ZMAT4: variants seen among roughly 807,000 people sequenced by gnomAD.
ZMAT4 encodes zinc finger matrin-type protein 4.
A neutral mutation model predicts 28.7 loss-of-function variants in ZMAT4; 17 were observed. The ratio of observed to expected loss-of-function variants is 0.59; its 90% CI spans 0.41 to 0.89. The LOEUF (loss-of-function observed/expected upper bound fraction) is 0.89, where lower values mean the gene tolerates loss of function less well. ZMAT4 is among the 40% of genes least tolerant of loss of function. The probability of loss-of-function intolerance (pLI) is 0.00; values close to 1 mark genes in which losing one functional copy is unlikely to be tolerated. For synonymous variants in ZMAT4, 117 were observed against 109.2 expected (o/e 1.07, Z -0.44); for missense variants, 240 against 283.8 (o/e 0.85, Z 1.11).
At chr8:40,582,861 A>G (rs1804537338) in intron 5 of ZMAT4, among the ~76,000 whole-genome samples, 1 of 152,186 alleles carries the variant, frequency 6.6e-6, no homozygotes, top group African/African-American at 2.4e-5. Flanking sequence ...ACATGGAAAC[A>G]CTTTCTGTTT....
At chr8:40,634,080 G>A (rs553870874) in intron 5 of ZMAT4, among the ~76,000 whole-genome samples, 3 of 152,170 alleles carry the variant, frequency 2.0e-5, no homozygotes, top group African/African-American at 7.2e-5. Flanking sequence ...CATTTTTGAA[G>A]AAGTGGTTGG....
intron 6 of ZMAT4, among the ~76,000 whole-genome samples, chr8:40,552,451 T>C (rs1037085775): frequency 6.6e-6 from 1 of 152,192 alleles, no homozygotes; most frequent in African/African-American, 2.4e-5. Context: ...CTCTCCCTCT[T>C]TCTCATACCA....
At chr8:40,770,127 A>G (rs1005381459) in intron 2 of ZMAT4, among the ~76,000 whole-genome samples, 2 of 151,904 alleles carry the variant, frequency 1.3e-5, no homozygotes, top group African/African-American at 4.8e-5. Flanking sequence ...GGCAAATACC[A>G]CCTGATTCTG....
At chr8:40,689,420 G>A (rs559822974) in intron 4 of ZMAT4, among the ~76,000 whole-genome samples, 2 of 152,322 alleles carry the variant, frequency 1.3e-5, no homozygotes, top group Non-Finnish European at 2.9e-5. Flanking sequence ...ATTTTAAAAT[G>A]TTATGTTAAT....
At chr8:40,714,914 T>C (rs1019577276) in intron 3 of ZMAT4, among the ~76,000 whole-genome samples, 1 of 151,766 alleles carries the variant, frequency 6.6e-6, no homozygotes, top group Non-Finnish European at 1.5e-5. Context: ...CCAGGCGTGG[T>C]GGCACGCACC....
At chr8:40,866,482 G>A (rs943365458) in intron 1 of ZMAT4, among the ~76,000 whole-genome samples, 2 of 152,192 alleles carry the variant, frequency 1.3e-5, no homozygotes, top group Admixed American at 6.5e-5. Context: ...GCTTAATAAC[G>A]CTGCCCTGAT....
intron 3 of ZMAT4, among the ~76,000 whole-genome samples, chr8:40,742,279 T>A (rs144185223): frequency 1.7e-3 from 260 of 151,548 alleles, no homozygotes; most frequent in African/African-American, 6.0e-3. Flanking sequence ...ATATTACTGA[T>A]AATGTAACCC....
At chr8:40,594,201 T>C (rs1168947136) in intron 5 of ZMAT4, among the ~76,000 whole-genome samples, 1 of 152,156 alleles carries the variant, frequency 6.6e-6, no homozygotes, top group African/African-American at 2.4e-5. Context: ...GTGGGACACA[T>C]GACGGGGCCT....
At chr8:40,792,473 CAGGAAGGAAGGAAGGA>C (rs372079235) in intron 2 of ZMAT4, among the ~76,000 whole-genome samples, 7 of 14,518 alleles carry the variant, frequency 4.8e-4, no homozygotes, top group East Asian at 2.9e-3. Context: ...GAATAGTATT[CAGGAAGGAAGGAAGGA>C]AGGAAGGAAG....
intron 4 of ZMAT4, among the ~76,000 whole-genome samples, chr8:40,693,360 C>T (rs1809739643): frequency 6.6e-6 from 1 of 152,172 alleles, no homozygotes; most frequent in Admixed American, 6.5e-5. Flanking sequence ...AAGCAATCCT[C>T]CAGCCTCAGC....
At chr8:40,783,153 C>A (rs988149294) in intron 2 of ZMAT4, among the ~76,000 whole-genome samples, 1 of 152,210 alleles carries the variant, frequency 6.6e-6, no homozygotes, top group Non-Finnish European at 1.5e-5. Context: ...GGAAATAATT[C>A]ATATATCCAT....
chr8:40,807,387 T>G (rs2150592782), intron 2 of ZMAT4, among the ~76,000 whole-genome samples: 1 of 152,238 alleles, frequency 6.6e-6, no homozygotes, highest in South Asian at 2.1e-4. Flanking sequence ...AAGGTTGCAG[T>G]GAGCTGAGAT....
intron 2 of ZMAT4, among the ~76,000 whole-genome samples, chr8:40,804,208 G>T (rs67776661): frequency 0.12 from 18,429 of 152,084 alleles, 1,588 homozygotes; most frequent in Non-Finnish European, 0.18. Context: ...AACACCAAAA[G>T]TGAACCCTGA....
chr8:40,818,138 T>C (rs1815616381), intron 2 of ZMAT4, among the ~76,000 whole-genome samples: 1 of 152,230 alleles, frequency 6.6e-6, no homozygotes, highest in African/African-American at 2.4e-5. Context: ...GGTGTGCTCT[T>C]CAGCCTATTG....
intron 5 of ZMAT4, among the ~76,000 whole-genome samples, chr8:40,605,096 T>C (rs1111280): frequency 0.46 from 70,413 of 152,080 alleles, 18,556 homozygotes; most frequent in Non-Finnish European, 0.6. Flanking sequence ...ATCTCACTAA[T>C]GCTTTATCAA....
intron 1 of ZMAT4, among the ~76,000 whole-genome samples, chr8:40,826,838 T>C (rs1414859725): frequency 6.6e-6 from 1 of 152,208 alleles, no homozygotes; most frequent in Non-Finnish European, 1.5e-5. Flanking sequence ...ACGGATCTTA[T>C]GGCAGCTGAA....
chr8:40,859,810 C>T (rs528310766), intron 1 of ZMAT4, among the ~76,000 whole-genome samples: 36 of 151,730 alleles, frequency 2.4e-4, no homozygotes, highest in Non-Finnish European at 4.7e-4. Context: ...AAAAAAAAGG[C>T]AGGAGAGGTC....
At chr8:40,786,654 C>G in intron 2 of ZMAT4, 1 of 1,268,178 alleles carries the variant, frequency 7.9e-7, no homozygotes, top group Non-Finnish European at 1.0e-6. Flanking sequence ...CATTCATTAA[C>G]CATCCTCATT....
chr8:40,767,608 A>C, intron 3 of ZMAT4, 33 bp downstream of exon 3: 2 of 1,581,354 alleles, frequency 1.3e-6, no homozygotes, highest in East Asian at 4.5e-5. Flanking sequence ...AGAACAAATC[A>C]TCTGAGGATA....
Sources: gnomAD v4.1 joint callset for allele counts (sites outside exome capture counted in the v4.1 genomes callset) on GRCh38, gnomAD v4.1.1 for gene constraint, MANE v1.5 for transcripts, NCBI Gene and HGNC (gene_info 2026-07-23, HGNC 2026-07-21) for gene names.